The following ZNF592 variants were observed in gnomAD, a reference collection of about 807,000 sequenced individuals.
ZNF592 encodes the protein spinocerebellar ataxia, autosomal recessive 5.
In ZNF592, 11 loss-of-function variants were observed where a neutral mutation model predicts 80.3. That is an observed-to-expected ratio of 0.14 (90% CI 0.09 to 0.23). The LOEUF is 0.23. Ranked by LOEUF, ZNF592 falls within the 10% of genes least tolerant of loss-of-function variation. The pLI is 1.00. For missense variants in ZNF592, 1,420 were observed against 1,633.9 expected (o/e 0.87, Z 2.26); for synonymous variants, 646 against 640.3 (o/e 1.01, Z -0.13).
Position 84,784,361 on chromosome 15 carries a change from C to T in ZNF592, c.1686C>T (p.Ser562=). 6.2e-7 allele frequency: 1 copy of T among 1,614,208 alleles called. No homozygotes were observed. Among genetic ancestry groups the T allele is most frequent in the African/African-American group, 1.3e-5 (1 of 75,060 alleles). Residue 562 remains serine (S), a synonymous_variant, in exon 4 of 11, where the codon TCC becomes TCT. Transcript: ENST00000560079. The surrounding 1 kb of genome is among the most constrained non-coding windows in gnomAD (Gnocchi z 5.8). ...TCTTCAACAAGGTCCTTCACAGCTCCAACCCCGTGCCCCTCTATGCGCCAA... is the reference window on the plus strand; with the variant it reads ...TCTTCAACAAGGTCCTTCACAGCTCTAACCCCGTGCCCCTCTATGCGCCAA... ...VEVFNKVLHS[S]NPVPLYAPNL... is the part of the protein sequence containing the mutation.
Position 84,783,252 on chromosome 15 carries a change from G to C in ZNF592, c.577G>C (p.Glu193Gln). 6.2e-7 allele frequency: 1 copy of C among 1,614,232 alleles called. No individual in the cohort carries two copies. Among genetic ancestry groups the C allele is most frequent in the East Asian group, 2.2e-5 (1 of 44,886 alleles). ...GGCTCTGGCTAAGTTTCCGGTTCCAGAGCTGCATATGTTTGATCATTTTTG... is the reference window on the plus strand; with the variant it reads ...GGCTCTGGCTAAGTTTCCGGTTCCACAGCTGCATATGTTTGATCATTTTTG... ...LEALAKFPVP[E>Q]LHMFDHFCKK... Residue 193 changes from glutamate to glutamine, a missense_variant, in exon 4 of 11, where the codon GAG (glutamate) becomes CAG (glutamine). Transcript: ENST00000560079. The surrounding 1 kb of genome is among the most constrained non-coding windows in gnomAD (Gnocchi z 5.0).
intron 2 of ZNF592, among the ~76,000 whole-genome samples, chr15:84,769,216 T>C (rs1363250772): frequency 3.3e-5 from 5 of 152,108 alleles, no homozygotes; most frequent in African/African-American, 9.7e-5. Flanking sequence ...GCTGGAATTA[T>C]AGGCATGAGC....
Position 84,783,662 on chromosome 15 carries a change from A to G in ZNF592, c.987A>G (p.Pro329=). The change falls in exon 4 of 11, where the codon CCA becomes CCG. Residue 329 remains proline (P), a synonymous_variant. Coordinates refer to ENST00000560079, the MANE Select transcript of ZNF592 (RefSeq NM_014630.3). This position sits in a 1 kb window ranked among gnomAD's most constrained non-coding sequence, Gnocchi z 5.0. ...GTAGCCCCAAAATGCCCAAGTCACC[A>G]AAGAGTCCCCGGAGCCCTCTGGAGG... The part of the protein sequence containing the change: ...SKGSPKMPKS[P]KSPRSPLEAT... 6.2e-7 allele frequency: 1 copy of G among 1,614,232 alleles called. No individual in the cohort carries two copies. Among genetic ancestry groups the G allele is most frequent in the Non-Finnish European group, 8.5e-7 (1 of 1,180,040 alleles).
chr15:84,762,308 G>A (rs182357653), intron 1 of ZNF592, among the ~76,000 whole-genome samples: 73 of 152,330 alleles, frequency 4.8e-4, no homozygotes, highest in African/African-American at 1.7e-3. Flanking sequence ...TGGATGAGGG[G>A]TTTGGTGGGG....
chr15:84,764,111 G>T (rs1461075792), intron 1 of ZNF592, among the ~76,000 whole-genome samples: 2 of 152,176 alleles, frequency 1.3e-5, no homozygotes, highest in Non-Finnish European at 2.9e-5. Context: ...CCTGGCCCCT[G>T]CTTGGCCCTC....
chr15:84,766,231 C>G (rs769854265), intron 2 of ZNF592, among the ~76,000 whole-genome samples: 2 of 152,144 alleles, frequency 1.3e-5, no homozygotes, highest in Non-Finnish European at 2.9e-5. Flanking sequence ...CTTCCTCTTG[C>G]CCTGTGTTAT....
In ZNF592 at chr15:84,782,786, T is replaced by A. The variant is rs1486880171; in HGVS notation, c.111T>A (p.Asn37Lys). ...KEAIQTPSEE[N>K]ESPLKPPGIC... ...CCATCCAGACACCCAGTGAGGAGAA[T>A]GAGAGTCCCCTCAAACCTCCAGGCA... Residue 37 changes from asparagine (N) to lysine (K), a missense_variant, in exon 4 of 11, where the codon AAT (asparagine) becomes AAA (lysine). Physicochemically the swap from Asn to Lys is moderately conservative, Grantham distance 94. Coordinates refer to ENST00000560079, the MANE Select transcript of ZNF592 (RefSeq NM_014630.3). 1 of 1,613,926 alleles carries A rather than the reference T, an allele frequency of 6.2e-7. No individual in the cohort carries two copies. The highest frequency in any genetic ancestry group is 1.1e-5 in the South Asian group (1 of 91,080).
chr15:84,802,073 T>G lies in ZNF592; in HGVS notation c.3484T>G (p.Tyr1162Asp), dbSNP rs758108083. Reference sequence around the variant, plus strand: ...CCAATGTCTCCTCTGTGGTTTGTGCTACACCTCTGCCAGCTCCCTCAGCCG... The same window carrying G: ...CCAATGTCTCCTCTGTGGTTTGTGCGACACCTCTGCCAGCTCCCTCAGCCG... ...TAQCLLCGLCYTSASSLSRHL... is the reference protein window; with the variant it reads ...TAQCLLCGLCDTSASSLSRHL... Residue 1162 changes from tyrosine (Y) to aspartate (D), a missense_variant, in exon 11 of 11, where the codon TAC becomes GAC. Around this residue, in one of 7 missense-constraint regions of ZNF592, gnomAD observed 145 missense variants for 211.9 expected, o/e 0.68. Coordinates refer to ENST00000560079, the MANE Select transcript of ZNF592 (RefSeq NM_014630.3). 1.9e-6 allele frequency: 3 copies of G among 1,613,686 alleles called. No individual in the cohort carries two copies. The highest frequency in any genetic ancestry group is 2.5e-6 in the Non-Finnish European group (3 of 1,179,838).
intron 2 of ZNF592, among the ~76,000 whole-genome samples, chr15:84,771,489 G>A (rs1899700348): frequency 6.6e-6 from 1 of 152,074 alleles, no homozygotes; most frequent in South Asian, 2.1e-4. Context: ...CAGAATGAAA[G>A]GTATCCTGGC....
At chr15:84,768,222 C>A (rs193065761) in intron 2 of ZNF592, among the ~76,000 whole-genome samples, 2,460 of 140,694 alleles carry the variant, frequency 0.017, 28 homozygotes, top group Non-Finnish European at 0.029. Flanking sequence ...TTCTTTCTTT[C>A]TTTCTTTCTT....
At position 84,799,774 on chromosome 15, in the gene ZNF592, G is replaced by A; in HGVS notation, c.3138-68G>A. 1 of 1,606,906 alleles carries A rather than the reference G, an allele frequency of 6.2e-7. No individual in the cohort carries two copies. The highest frequency in any genetic ancestry group is 8.5e-7 in the Non-Finnish European group (1 of 1,178,860). ...TCCAGACTCCCTCCTTCCTGGCCTT[G>A]GTGTGAATAGCACTGAGGGAGCCTG... On this transcript the variant is annotated intron_variant, in intron 9 of 10. Coordinates refer to ENST00000560079, the MANE Select transcript of ZNF592 (RefSeq NM_014630.3). This position sits in a 1 kb window ranked among gnomAD's most constrained non-coding sequence, Gnocchi z 4.2.
chr15:84,755,112 C>T (rs1248424960), intron 1 of ZNF592, among the ~76,000 whole-genome samples: 1 of 145,876 alleles, frequency 6.9e-6, no homozygotes, highest in African/African-American at 2.6e-5. Context: ...CGTCCATCAC[C>T]ACACCCAGCT....
intron 10 of ZNF592, among the ~76,000 whole-genome samples, chr15:84,801,555 T>G (rs1003334722): frequency 6.6e-6 from 1 of 152,218 alleles, no homozygotes; most frequent in Non-Finnish European, 1.5e-5. Context: ...GACAATAGTT[T>G]TGTTTTTGTA....
chr15:84,783,876 C>T lies in ZNF592; in HGVS notation c.1201C>T (p.Pro401Ser). 1 of 1,614,190 alleles carries T rather than the reference C, an allele frequency of 6.2e-7. No individual in the cohort carries two copies. Residue 401 changes from proline (P) to serine (S), a missense_variant, in exon 4 of 11, where the codon CCA (proline) becomes TCA (serine). By Grantham distance (74) the Pro-to-Ser change is moderately conservative. Coordinates refer to ENST00000560079, the MANE Select transcript of ZNF592 (RefSeq NM_014630.3). The surrounding 1 kb of genome is among the most constrained non-coding windows in gnomAD (Gnocchi z 5.0). ...VTRILPDPDD[P>S]SKSPVGSPLG... ...AAGGATCCTGCCAGATCCTGATGAT[C>T]CAAGTAAGTCCCCTGTTGGGTCACC...
intron 1 of ZNF592, among the ~76,000 whole-genome samples, chr15:84,753,928 C>T (rs577542383): frequency 3.9e-5 from 6 of 152,296 alleles, no homozygotes; most frequent in South Asian, 4.1e-4. Flanking sequence ...TCTGGTCCAG[C>T]GGCCTCCCTT....
Position 84,798,617 on chromosome 15 carries a change from C to A in ZNF592, c.2766C>A (p.Asp922Glu), listed in dbSNP as rs146530529. The change falls in exon 8 of 11, where the codon GAC becomes GAA. Residue 922 changes from aspartate (D) to glutamate (E), a missense_variant. Asp to Glu is a conservative substitution (Grantham distance 45). Around this residue, in one of 7 missense-constraint regions of ZNF592, gnomAD observed 331 missense variants for 347.0 expected, o/e 0.95. Transcript: ENST00000560079. The surrounding 1 kb of genome is among the most constrained non-coding windows in gnomAD (Gnocchi z 4.5). ...KSTHGVPRNVDELSSLQSSAD... is the reference protein window; with the variant it reads ...KSTHGVPRNVEELSSLQSSAD... ...CCCACGGTGTTCCCCGAAATGTGGA[C>A]GAGCTGTCAAGCCTCCAGTCTTCAG... is the stretch of plus-strand genomic sequence containing the variant. 1 of 1,614,082 alleles carries A rather than the reference C, an allele frequency of 6.2e-7. No individual in the cohort carries two copies. The highest frequency in any genetic ancestry group is 1.7e-5 in the Admixed American group (1 of 60,032).
intron 1 of ZNF592, among the ~76,000 whole-genome samples, chr15:84,749,089 C>A (rs527634616): frequency 1.3e-5 from 2 of 152,352 alleles, no homozygotes; most frequent in East Asian, 3.9e-4. Context: ...GAAGAGCTGT[C>A]GCCGTCACAG....
At chr15:84,764,638 A>G (rs929560863) in intron 1 of ZNF592, 69 bp from the exon 2 acceptor site, 1 of 397,318 alleles carries the variant, frequency 2.5e-6, no homozygotes, top group Admixed American at 4.4e-5. Flanking sequence ...TTTTTAAACT[A>G]TCTTTCCTTA....
intron 2 of ZNF592, among the ~76,000 whole-genome samples, chr15:84,766,742 A>T (rs867095108): frequency 1.7e-5 from 1 of 58,284 alleles, no homozygotes; most frequent in Non-Finnish European, 3.7e-5. Flanking sequence ...TGTGTGTGTA[A>T]GAAAAGGGGA....
Sources: gnomAD v4.1 joint callset for allele counts (sites outside exome capture counted in the v4.1 genomes callset) on GRCh38, gnomAD v4.1.1 for gene constraint, gnomAD v4.1.1 regional missense constraint, Gnocchi (gnomAD v3.1) non-coding constraint, MANE v1.5 for transcripts, NCBI Gene and HGNC (gene_info 2026-07-23, HGNC 2026-07-21) for gene names.